Variants in RELN observed in about 807,000 individuals in gnomAD.
RELN encodes the protein reelin.
Under a neutral mutation model 427.6 loss-of-function variants are expected in RELN, and 108 were observed. That is an observed-to-expected ratio of 0.25 (90% CI 0.22 to 0.30). RELN has a LOEUF of 0.30. RELN is among the 10% of genes least tolerant of loss of function. RELN has a pLI of 1.00. For synonymous variants in RELN, 1,524 were observed against 1,513.4 expected (o/e 1.01, Z -0.16); for missense variants, 3,715 against 4,302.8 (o/e 0.86, Z 3.82).
At chr7:103,574,514 A>G (rs1049861581) in intron 29 of RELN, among the ~76,000 whole-genome samples, 2 of 152,238 alleles carry the variant, frequency 1.3e-5, no homozygotes, top group Non-Finnish European at 2.9e-5. Context: ...TTATTTTTTA[A>G]TAGAGACAGA....
chr7:103,724,629 C>T (rs1224949936), intron 7 of RELN, among the ~76,000 whole-genome samples: 2 of 152,096 alleles, frequency 1.3e-5, no homozygotes, highest in African/African-American at 2.4e-5. Context: ...TGTGGAATAT[C>T]GCCAAATTTC....
At position 103,573,859 on chromosome 7, in the gene RELN, C is replaced by CA. The variant is rs1205283129; in HGVS notation, c.4511+232dup. ...GAAAATCAAGCTGGCATACCCTAGA[C>CA]ACACAGGCCTTGGTGATGACCACAC... On this transcript the variant is annotated intron_variant, in intron 30 of 64. Coordinates refer to ENST00000428762, the MANE Select transcript of RELN (RefSeq NM_005045.4). The surrounding 1 kb of genome is among the most constrained non-coding windows in gnomAD (Gnocchi z 4.4). 6.6e-6 allele frequency among the ~76,000 whole-genome samples: 1 copy of CA among 152,176 alleles called. No homozygotes were observed. The highest frequency in any genetic ancestry group is 2.4e-5 in the African/African-American group (1 of 41,436).
chr7:103,921,326 T>A (rs59086068), intron 1 of RELN, among the ~76,000 whole-genome samples: 22,828 of 152,078 alleles, frequency 0.15, 3,825 homozygotes, highest in African/African-American at 0.41. Flanking sequence ...ATAGGTAAAC[T>A]CCTATTTAAA....
intron 8 of RELN, among the ~76,000 whole-genome samples, chr7:103,704,967 A>C (rs1268763705): frequency 6.6e-6 from 1 of 152,166 alleles, no homozygotes; most frequent in African/African-American, 2.4e-5. Context: ...AGGATTTGTC[A>C]AGGCTGATCC....
intron 64 of RELN, among the ~76,000 whole-genome samples, chr7:103,474,190 T>G (rs575925591): frequency 6.6e-6 from 1 of 152,194 alleles, no homozygotes; most frequent in East Asian, 1.9e-4. Flanking sequence ...ATTAGAAAAT[T>G]TATAATAAAA....
chr7:103,943,427 A>G (rs1009375905), intron 1 of RELN, among the ~76,000 whole-genome samples: 5 of 152,188 alleles, frequency 3.3e-5, no homozygotes, highest in Non-Finnish European at 7.3e-5. Flanking sequence ...TGGAAATTTA[A>G]TGAGACCTTC....
chr7:103,741,717 G>A (rs952537116), intron 6 of RELN, among the ~76,000 whole-genome samples: 6 of 151,842 alleles, frequency 4.0e-5, no homozygotes, highest in African/African-American at 1.5e-4. Flanking sequence ...GGAAGGCAGA[G>A]ACGAAAGTGA....
At chr7:103,800,047 A>C (rs1792406323) in intron 3 of RELN, among the ~76,000 whole-genome samples, 1 of 152,178 alleles carries the variant, frequency 6.6e-6, no homozygotes, top group African/African-American at 2.4e-5. Flanking sequence ...ATGGGCAAAA[A>C]CTGGAAGCGT....
At chr7:103,930,348 C>T (rs1024064453) in intron 1 of RELN, among the ~76,000 whole-genome samples, 1 of 146,614 alleles carries the variant, frequency 6.8e-6, no homozygotes, top group African/African-American at 2.5e-5. Context: ...CCTTTTAATA[C>T]ATTTTGTCTC....
At chr7:103,674,515 G>T (rs1297791272) in intron 11 of RELN, among the ~76,000 whole-genome samples, 1 of 152,038 alleles carries the variant, frequency 6.6e-6, no homozygotes, top group Non-Finnish European at 1.5e-5. Flanking sequence ...CCACTGACTG[G>T]GAGCAGATGT....
intron 2 of RELN, among the ~76,000 whole-genome samples, chr7:103,854,830 C>T (rs965566562): frequency 3.9e-5 from 6 of 152,070 alleles, no homozygotes; most frequent in African/African-American, 9.7e-5. Flanking sequence ...CTGAAGATTC[C>T]GGATTTCTGC....
intron 3 of RELN, among the ~76,000 whole-genome samples, chr7:103,820,323 T>C (rs988412356): frequency 7.2e-5 from 11 of 152,086 alleles, no homozygotes; most frequent in African/African-American, 2.7e-4. Context: ...GATTGTAAGG[T>C]ACATTTTTCT....
chr7:103,948,740 A>G (rs1796269319), intron 1 of RELN, among the ~76,000 whole-genome samples: 1 of 152,084 alleles, frequency 6.6e-6, no homozygotes, highest in South Asian at 2.1e-4. Flanking sequence ...CAAGCCACGC[A>G]ACACGGTTGA....
At chr7:103,872,107 C>A (rs1365190592) in intron 2 of RELN, among the ~76,000 whole-genome samples, 1 of 139,408 alleles carries the variant, frequency 7.2e-6, no homozygotes, top group African/African-American at 2.6e-5. Context: ...TACATGTGCA[C>A]ATTGTGCAGG....
intron 6 of RELN, among the ~76,000 whole-genome samples, chr7:103,740,801 C>T (rs766668280): frequency 6.9e-4 from 105 of 152,188 alleles, no homozygotes; most frequent in Admixed American, 1.5e-3. Flanking sequence ...TTCTTAATTT[C>T]TCTTTTGCTT....
intron 2 of RELN, among the ~76,000 whole-genome samples, chr7:103,861,242 T>A (rs1470223745): frequency 6.6e-6 from 1 of 152,112 alleles, no homozygotes; most frequent in Non-Finnish European, 1.5e-5. Context: ...ACTACAAATA[T>A]TATTCAAGTT....
intron 1 of RELN, among the ~76,000 whole-genome samples, chr7:103,922,383 C>T (rs537613190): frequency 2.6e-5 from 4 of 151,976 alleles, no homozygotes; most frequent in African/African-American, 4.8e-5. Flanking sequence ...AATTAATCTT[C>T]TGATAATTTT....
chr7:103,681,977 C>CTTTTGGCTTGT, intron 11 of RELN, 139 bp downstream of exon 11: 2 of 837,102 alleles, frequency 2.4e-6, no homozygotes, highest in Non-Finnish European at 4.1e-6. Flanking sequence ...TAAGTGCACC[C>CTTTTGGCTTGT]CTTTTGGCTT....
intron 28 of RELN, among the ~76,000 whole-genome samples, chr7:103,579,580 C>T (rs1318361791): frequency 1.7e-5 from 2 of 118,402 alleles, no homozygotes; most frequent in African/African-American, 6.5e-5. Flanking sequence ...GTCTTGGTGA[C>T]AAAGTAAGAC....
Sources: allele counts gnomAD v4.1 joint callset (sites outside exome capture counted in the v4.1 genomes callset), GRCh38; gene constraint gnomAD v4.1.1; non-coding constraint Gnocchi (gnomAD v3.1); transcripts MANE v1.5; gene names NCBI Gene and HGNC (gene_info 2026-07-23, HGNC 2026-07-21).